RBFOX1: variants seen among roughly 807,000 people sequenced by gnomAD.
RBFOX1 encodes RNA binding protein fox-1 homolog 1.
RBFOX1 carries 8 observed loss-of-function variants against 57.7 expected under a neutral mutation model. The ratio of observed to expected loss-of-function variants is 0.14; its 90% CI spans 0.08 to 0.25. RBFOX1 has a LOEUF of 0.25. Among genes scored for constraint, RBFOX1 ranks in the 10% least tolerant of loss-of-function variants. The pLI, the probability that RBFOX1 is intolerant of heterozygous loss-of-function variation, is 1.00. For synonymous variants in RBFOX1, 326 were observed against 222.4 expected (o/e 1.47, Z -4.15); for missense variants, 611 against 548.5 (o/e 1.11, Z -1.14).
At chr16:7,300,161 A>C (rs2095997624) in intron 4 of RBFOX1, among the ~76,000 whole-genome samples, 1 of 152,046 alleles carries the variant, frequency 6.6e-6, no homozygotes, top group South Asian at 2.1e-4. Flanking sequence ...CACAGCACTC[A>C]CCACCATCTA....
intron 4 of RBFOX1, among the ~76,000 whole-genome samples, chr16:7,215,886 G>C (rs184707533): frequency 2.8e-4 from 43 of 151,866 alleles, no homozygotes; most frequent in Non-Finnish European, 5.0e-4. Context: ...CACGGCACCC[G>C]GCTAATTTTT....
At chr16:6,498,005 T>C (rs1304790992) in intron 2 of RBFOX1, among the ~76,000 whole-genome samples, 1 of 151,914 alleles carries the variant, frequency 6.6e-6, no homozygotes, top group Non-Finnish European at 1.5e-5. Flanking sequence ...TCCCAACACT[T>C]TGGGAGGCTG....
intron 1 of RBFOX1, among the ~76,000 whole-genome samples, chr16:6,273,768 G>C (rs2075494332): frequency 6.6e-6 from 1 of 152,098 alleles, no homozygotes; most frequent in African/African-American, 2.4e-5. Context: ...TGGATGTAAA[G>C]GGAAGCTTCA....
At position 7,308,753 on chromosome 16, in the gene RBFOX1, AG is replaced by A. The variant is rs140148312; in HGVS notation, c.28-209393del. ...CTCAGTTCAGGGAATCACCTGGGGAAGATGGGCTCTCGCGCGAAGGCTGCAG... is the reference window on the plus strand; with the variant it reads ...CTCAGTTCAGGGAATCACCTGGGGAAATGGGCTCTCGCGCGAAGGCTGCAG... On this transcript the variant is annotated intron_variant, in intron 4 of 15. Coordinates refer to ENST00000550418, the MANE Select transcript of RBFOX1 (RefSeq NM_018723.4). 4.5e-3 allele frequency among the ~76,000 whole-genome samples: 689 copies of A among 152,318 alleles called. 1 individual carries two copies. The highest frequency in any genetic ancestry group is 0.016 in the African/African-American group (646 of 41,582).
intron 5 of RBFOX1, among the ~76,000 whole-genome samples, chr16:7,556,225 T>A (rs1052042812): frequency 6.6e-6 from 1 of 152,142 alleles, no homozygotes; most frequent in Non-Finnish European, 1.5e-5. Flanking sequence ...ATGACGCAGC[T>A]CTTCGGTCAA....
At chr16:7,519,327 G>A in intron 5 of RBFOX1, among the ~76,000 whole-genome samples, 1 of 152,090 alleles carries the variant, frequency 6.6e-6, no homozygotes, top group Admixed American at 6.5e-5. Context: ...TGGACCAAAG[G>A]GCAGGGGCTA....
intron 4 of RBFOX1, among the ~76,000 whole-genome samples, chr16:5,960,123 C>G (rs550798775): frequency 6.6e-6 from 1 of 152,168 alleles, no homozygotes; most frequent in Non-Finnish European, 1.5e-5. Flanking sequence ...ATTGCTTGAA[C>G]CCAAGTGGCG....
intron 4 of RBFOX1, among the ~76,000 whole-genome samples, chr16:7,239,099 A>C (rs1205798695): frequency 6.6e-6 from 1 of 152,204 alleles, no homozygotes; most frequent in East Asian, 1.9e-4. Context: ...GCTGCATTGA[A>C]TATACACATG....
At chr16:6,836,241 T>A (rs1231402864) in intron 3 of RBFOX1, among the ~76,000 whole-genome samples, 1 of 152,250 alleles carries the variant, frequency 6.6e-6, no homozygotes, top group Non-Finnish European at 1.5e-5. Context: ...CTAACAGTCC[T>A]AACTTCCCAT....
At chr16:6,381,134 G>C (rs551131879) in intron 2 of RBFOX1, among the ~76,000 whole-genome samples, 10 of 152,292 alleles carry the variant, frequency 6.6e-5, no homozygotes, top group African/African-American at 1.7e-4. Flanking sequence ...TTGTCTGAGA[G>C]CTGGAGAAGA....
chr16:6,626,694 A>G (rs1023834765), intron 2 of RBFOX1, among the ~76,000 whole-genome samples: 1 of 152,144 alleles, frequency 6.6e-6, no homozygotes, highest in African/African-American at 2.4e-5. Flanking sequence ...CGGGAGACAG[A>G]GGTTGCAGTG....
chr16:5,620,789 C>T (rs373266296), intron 3 of RBFOX1, among the ~76,000 whole-genome samples: 4 of 152,264 alleles, frequency 2.6e-5, no homozygotes, highest in African/African-American at 9.6e-5. Context: ...AGTGATCCTC[C>T]CACCTCAGCT....
intron 3 of RBFOX1, among the ~76,000 whole-genome samples, chr16:7,041,863 A>T (rs546470652): frequency 2.0e-5 from 3 of 152,276 alleles, no homozygotes; most frequent in East Asian, 3.9e-4. Context: ...TTGCTTAGTA[A>T]TTCTTATAGA....
intron 1 of RBFOX1, among the ~76,000 whole-genome samples, chr16:6,298,976 G>C (rs1389779790): frequency 2.0e-5 from 3 of 152,162 alleles, no homozygotes; most frequent in Non-Finnish European, 4.4e-5. Flanking sequence ...ACAGTGGATG[G>C]AAAAGAATAT....
intron 4 of RBFOX1, among the ~76,000 whole-genome samples, chr16:7,428,227 A>G (rs1376404177): frequency 6.6e-6 from 1 of 151,752 alleles, no homozygotes; most frequent in Non-Finnish European, 1.5e-5. Context: ...AGTTTCTCCA[A>G]CACCTAGCAT....
At chr16:7,354,541 A>C (rs1195031663) in intron 4 of RBFOX1, among the ~76,000 whole-genome samples, 1 of 152,164 alleles carries the variant, frequency 6.6e-6, no homozygotes, top group Non-Finnish European at 1.5e-5. Flanking sequence ...CTACTTCCTA[A>C]AACCTTCTAA....
chr16:7,435,871 G>A (rs1201889067), intron 4 of RBFOX1, among the ~76,000 whole-genome samples: 2 of 152,176 alleles, frequency 1.3e-5, no homozygotes, highest in African/African-American at 2.4e-5. Context: ...TTGGCCTGCT[G>A]GGGTATGTGT....
intron 4 of RBFOX1, among the ~76,000 whole-genome samples, chr16:7,221,572 G>A (rs1476702977): frequency 1.3e-5 from 2 of 152,094 alleles, no homozygotes; most frequent in Admixed American, 6.5e-5. Context: ...GCACCATGTT[G>A]GCCAGGGTAG....
intron 4 of RBFOX1, among the ~76,000 whole-genome samples, chr16:7,146,117 C>G (rs560310598): frequency 4.6e-5 from 7 of 152,260 alleles, no homozygotes; most frequent in Admixed American, 4.6e-4. Context: ...CCTGTCAAAG[C>G]TTGTCTAGGT....
Sources: allele counts gnomAD v4.1 joint callset (sites outside exome capture counted in the v4.1 genomes callset), GRCh38; gene constraint gnomAD v4.1.1; transcripts MANE v1.5; gene names NCBI Gene and HGNC (gene_info 2026-07-23, HGNC 2026-07-21).